Variants in LRRC72 observed in about 807,000 individuals in gnomAD.
LRRC72 encodes leucine-rich repeat-containing protein 72.
In LRRC72, 41 loss-of-function variants were observed where a neutral mutation model predicts 35.8. The observed-to-expected ratio is 1.15, with a 90% CI of 0.89 to 1.49. The LOEUF (loss-of-function observed/expected upper bound fraction) is 1.49, where lower values mean the gene tolerates loss of function less well. LRRC72 is among the 40% of genes most tolerant of loss of function. LRRC72 has a pLI of 0.00. For synonymous variants in LRRC72, 118 were observed against 119.2 expected, an observed-to-expected ratio of 0.99 and a Z score of 0.07; for missense variants, 389 against 330.7, an observed-to-expected ratio of 1.18 and a Z score of -1.37.
intron 5 of LRRC72, among the ~76,000 whole-genome samples, chr7:16,565,238 G>C (rs1468731849): frequency 1.3e-5 from 2 of 152,162 alleles, no homozygotes; most frequent in South Asian, 2.1e-4. Context: ...TTCGAGACCA[G>C]CCTTGCCAAC....
chr7:16,568,592 G>A (rs1782890184), intron 7 of LRRC72, among the ~76,000 whole-genome samples: 1 of 152,180 alleles, frequency 6.6e-6, no homozygotes, highest in African/African-American at 2.4e-5. Context: ...AAGTGATAAT[G>A]GCTGGAAATT....
chr7:16,554,151 A>C (rs1025066423), intron 3 of LRRC72, among the ~76,000 whole-genome samples: 8 of 152,164 alleles, frequency 5.3e-5, no homozygotes, highest in Non-Finnish European at 1.0e-4. Context: ...CAACATGGGG[A>C]AACCCCCATC....
At chr7:16,536,168 C>G (rs1782254187) in intron 2 of LRRC72, among the ~76,000 whole-genome samples, 2 of 151,938 alleles carry the variant, frequency 1.3e-5, no homozygotes, top group Admixed American at 1.3e-4. Flanking sequence ...CCACCATGCC[C>G]AGCCCAAAAA....
intron 6 of LRRC72, 89 bp downstream of exon 6, chr7:16,566,491 G>T: frequency 1.5e-6 from 1 of 688,194 alleles, no homozygotes; most frequent in Non-Finnish European, 2.3e-6. Flanking sequence ...TTGAAAATAT[G>T]TCTTTGTAAA....
intron 7 of LRRC72, among the ~76,000 whole-genome samples, chr7:16,579,469 G>C (rs1387163108): frequency 1.3e-5 from 2 of 152,086 alleles, no homozygotes; most frequent in Non-Finnish European, 2.9e-5. Flanking sequence ...ATCTCTGTAC[G>C]GGCCCTAGGC....
At chr7:16,558,164 T>C (rs1165213774) in intron 4 of LRRC72, among the ~76,000 whole-genome samples, 1 of 152,206 alleles carries the variant, frequency 6.6e-6, no homozygotes. Context: ...GCTATGCAAT[T>C]TGGAGGAGAT....
chr7:16,547,239 C>T (rs1012145432), intron 3 of LRRC72, among the ~76,000 whole-genome samples: 1 of 152,118 alleles, frequency 6.6e-6, no homozygotes, highest in African/African-American at 2.4e-5. Flanking sequence ...AGCCTGCCAC[C>T]CTGGGAGCTG....
intron 5 of LRRC72, 124 bp from the exon 6 acceptor site, chr7:16,566,189 T>C: frequency 3.5e-6 from 2 of 575,950 alleles, no homozygotes; most frequent in Non-Finnish European, 5.8e-6. Flanking sequence ...TATTGCTTGA[T>C]ATGGAGAAGA....
At chr7:16,555,129 A>G (rs1440020111) in intron 3 of LRRC72, among the ~76,000 whole-genome samples, 1 of 152,204 alleles carries the variant, frequency 6.6e-6, no homozygotes, top group East Asian at 1.9e-4. Context: ...TTGGGGAAAC[A>G]CGGCTTCTCT....
Position 16,531,379 on chromosome 7 carries a change from T to A in LRRC72, c.91-1116T>A, listed in dbSNP as rs115585130. On this transcript the variant is annotated intron_variant, in intron 1 of 8. Coordinates refer to ENST00000401542, the MANE Select transcript of LRRC72 (RefSeq NM_001195280.2). Reference sequence around the variant, plus strand: ...ATTCAGCTTGCTTATTAACAAGGCATCAAGGGAAGTTCAGGACTATACATT... The same window carrying A: ...ATTCAGCTTGCTTATTAACAAGGCAACAAGGGAAGTTCAGGACTATACATT... Among the ~76,000 whole-genome samples, 1,397 of 152,238 alleles carry A rather than the reference T, an allele frequency of 9.2e-3. 27 individuals carry two copies. The highest frequency in any genetic ancestry group is 0.032 in the African/African-American group (1,322 of 41,534).
chr7:16,551,357 T>C (rs1782545130), intron 3 of LRRC72, among the ~76,000 whole-genome samples: 2 of 152,134 alleles, frequency 1.3e-5, no homozygotes, highest in South Asian at 4.1e-4. Flanking sequence ...GGCATACAAC[T>C]CCCCAAATCC....
In LRRC72 at chr7:16,539,830, A is replaced by G. The variant is rs115432720; in HGVS notation, c.234+2134A>G. 1.4e-3 allele frequency among the ~76,000 whole-genome samples: 206 copies of G among 152,324 alleles called. 1 individual carries two copies. The highest frequency in any genetic ancestry group is 4.7e-3 in the African/African-American group (197 of 41,574). On this transcript the variant is annotated intron_variant, in intron 3 of 8. Coordinates refer to ENST00000401542, the MANE Select transcript of LRRC72 (RefSeq NM_001195280.2). ...GGCCTGCAGGTGCACAGAAGAGACA[A>G]TTGTTGAGCTTTGGAAACCTCCACC... is the stretch of plus-strand genomic sequence containing the variant.
chr7:16,531,781 C>T (rs1295273234), intron 1 of LRRC72, among the ~76,000 whole-genome samples: 1 of 151,952 alleles, frequency 6.6e-6, no homozygotes, highest in Admixed American at 6.6e-5. Flanking sequence ...TAGCAAAGGA[C>T]TTTAAGAAAA....
intron 5 of LRRC72, among the ~76,000 whole-genome samples, chr7:16,559,259 T>G (rs1452541960): frequency 6.6e-6 from 1 of 151,990 alleles, no homozygotes; most frequent in Non-Finnish European, 1.5e-5. Context: ...CCAGGCCTGG[T>G]GGCGTATGCC....
intron 5 of LRRC72, 79 bp from the exon 6 acceptor site, chr7:16,566,234 T>TC: frequency 1.3e-6 from 1 of 792,256 alleles, no homozygotes; most frequent in Non-Finnish European, 1.8e-6. Flanking sequence ...ACGAATCTCT[T>TC]AATTTTTTGT....
chr7:16,574,607 A>G (rs1344733119), intron 7 of LRRC72, among the ~76,000 whole-genome samples: 2 of 151,932 alleles, frequency 1.3e-5, no homozygotes, highest in East Asian at 1.9e-4. Flanking sequence ...ATGAGAACAC[A>G]TGGACGCAGG....
chr7:16,569,239 C>T (rs1218450864), intron 7 of LRRC72, among the ~76,000 whole-genome samples: 2 of 151,582 alleles, frequency 1.3e-5, no homozygotes, highest in South Asian at 2.1e-4. Context: ...ACCAGCCTGA[C>T]CAACATGAAG....
At chr7:16,552,541 G>A (rs960484740) in intron 3 of LRRC72, among the ~76,000 whole-genome samples, 15 of 152,120 alleles carry the variant, frequency 9.9e-5, no homozygotes, top group Admixed American at 5.2e-4. Flanking sequence ...GCTTAGTGCC[G>A]GTGTTGGATC....
At chr7:16,549,407 T>C (rs758758704) in intron 3 of LRRC72, among the ~76,000 whole-genome samples, 3 of 152,164 alleles carry the variant, frequency 2.0e-5, no homozygotes, top group Admixed American at 6.5e-5. Context: ...AAGGGAGCCA[T>C]GGTCAAAACC....
Sources: allele counts gnomAD v4.1 joint callset (sites outside exome capture counted in the v4.1 genomes callset), GRCh38; gene constraint gnomAD v4.1.1; transcripts MANE v1.5; gene names NCBI Gene and HGNC (gene_info 2026-07-23, HGNC 2026-07-21).